NAALADL2: variants seen among roughly 807,000 people sequenced by gnomAD.
NAALADL2 encodes inactive N-acetylated-alpha-linked acidic dipeptidase-like protein 2.
A neutral mutation model predicts 87.2 loss-of-function variants in NAALADL2; 76 were observed. The ratio of observed to expected loss-of-function variants is 0.87; its 90% confidence interval spans 0.72 to 1.05. The LOEUF (loss-of-function observed/expected upper bound fraction) is 1.05, where lower values mean the gene tolerates loss of function less well. Among genes scored for constraint, NAALADL2 ranks in the 50% least tolerant of loss-of-function variants. The pLI is 0.00. For missense variants in NAALADL2, 1,089 were observed against 945.8 expected, an observed-to-expected ratio of 1.15 and a Z score of -1.99; for synonymous variants, 354 against 331.0, an observed-to-expected ratio of 1.07 and a Z score of -0.75.
At chr3:174,800,209 A>C (rs575243512) in intron 3 of NAALADL2, among the ~76,000 whole-genome samples, 9 of 152,288 alleles carry the variant, frequency 5.9e-5, no homozygotes, top group Admixed American at 5.2e-4. Context: ...GTTAATCACC[A>C]AGACGATGGA....
intron 2 of NAALADL2, among the ~76,000 whole-genome samples, chr3:175,229,510 C>T (rs1273003371): frequency 6.6e-6 from 1 of 151,930 alleles, no homozygotes; most frequent in African/African-American, 2.4e-5. Context: ...TAGTAAACAA[C>T]AGACATTTAT....
rs575759818 is a variant in NAALADL2 at position 174,687,862 on chromosome 3, T to C, written c.-114-49779T>C. The stretch of plus-strand genomic sequence containing the variant: ...AGTCTCATGATATCTGATGGTTTTA[T>C]AATGGGAAGTTCCCCTGCACAAGCT... On this transcript the variant is annotated intron_variant, in intron 2 of 3. Coordinates refer to the NAALADL2 transcript ENST00000434257. 2.6e-5 allele frequency among the ~76,000 whole-genome samples: 4 copies of C among 152,164 alleles called. No homozygotes were observed. The East Asian group carries it at 7.7e-4, about 29-fold the overall frequency.
intron 1 of NAALADL2, among the ~76,000 whole-genome samples, chr3:174,530,596 G>C (rs1721151775): frequency 1.3e-5 from 2 of 152,192 alleles, no homozygotes; most frequent in African/African-American, 4.8e-5. Flanking sequence ...GTTCCACCTG[G>C]CTGGGGAGGC....
chr3:174,756,361 C>T (rs1017358926), intron 3 of NAALADL2, among the ~76,000 whole-genome samples: 40 of 152,282 alleles, frequency 2.6e-4, no homozygotes, highest in Admixed American at 2.2e-3. Context: ...TGCTGAGTGT[C>T]TGGACTTCTC....
chr3:174,898,050 T>C (rs867497173), intron 1 of NAALADL2, among the ~76,000 whole-genome samples: 16 of 119,220 alleles, frequency 1.3e-4, no homozygotes, highest in Middle Eastern at 4.5e-3. Flanking sequence ...GAGGCGGAGC[T>C]TGCAGTGAGC....
chr3:175,110,420 C>A (rs1723996832), intron 2 of NAALADL2, among the ~76,000 whole-genome samples: 1 of 151,772 alleles, frequency 6.6e-6, no homozygotes, highest in African/African-American at 2.4e-5. Context: ...TTCCTAACAT[C>A]AATTTATACT....
At chr3:175,718,695 G>A (rs943148619) in intron 11 of NAALADL2, 3 of 1,509,506 alleles carry the variant, frequency 2.0e-6, no homozygotes, top group Middle Eastern at 1.7e-4. Context: ...TTTTTATAGA[G>A]ATGGAAGATC....
intron 2 of NAALADL2, among the ~76,000 whole-genome samples, chr3:174,707,848 A>G (rs1409576495): frequency 6.6e-6 from 1 of 152,210 alleles, no homozygotes; most frequent in Non-Finnish European, 1.5e-5. Context: ...GCACAAAAAA[A>G]AAAGCTCACT....
chr3:174,895,074 AAG>A (rs1731338311), intron 1 of NAALADL2, among the ~76,000 whole-genome samples: 1 of 152,138 alleles, frequency 6.6e-6, no homozygotes, highest in Non-Finnish European at 1.5e-5. Context: ...TACATCAAAA[AAG>A]AGGAAAAACT....
intron 2 of NAALADL2, among the ~76,000 whole-genome samples, chr3:175,116,754 C>A (rs9873506): frequency 0.6 from 91,522 of 151,446 alleles, 28,133 homozygotes; most frequent in African/African-American, 0.73. Context: ...AACAAAAAAA[C>A]CAAAAACTTT....
At chr3:175,729,806 A>T in intron 11 of NAALADL2, among the ~76,000 whole-genome samples, 2 of 134,014 alleles carry the variant, frequency 1.5e-5, no homozygotes, top group African/African-American at 2.9e-5. Flanking sequence ...GTGACATCCC[A>T]GTTTTTTTTT....
intron 1 of NAALADL2, among the ~76,000 whole-genome samples, chr3:175,072,203 A>C (rs188835393): frequency 5.3e-4 from 81 of 152,168 alleles, no homozygotes; most frequent in African/African-American, 1.2e-3. Flanking sequence ...GTGATTAGGA[A>C]CTGGGGAGTC....
intron 1 of NAALADL2, among the ~76,000 whole-genome samples, chr3:174,964,031 T>G (rs1579754729): frequency 1.1e-5 from 1 of 93,552 alleles, no homozygotes; most frequent in Admixed American, 8.8e-5. Flanking sequence ...ATTAAATCTT[T>G]TGGGAAAAAA....
chr3:174,893,338 G>A (rs1579398619), intron 1 of NAALADL2, among the ~76,000 whole-genome samples: 1 of 149,668 alleles, frequency 6.7e-6, no homozygotes, highest in East Asian at 2.0e-4. Context: ...TTATTATTGA[G>A]CAATAAATAA....
At chr3:174,449,248 C>A (rs1018449523) in intron 1 of NAALADL2, among the ~76,000 whole-genome samples, 1 of 152,180 alleles carries the variant, frequency 6.6e-6, no homozygotes, top group East Asian at 1.9e-4. Flanking sequence ...AATGGTGGAG[C>A]AAATAGAGGG....
chr3:175,167,281 A>C (rs999707663), intron 2 of NAALADL2, among the ~76,000 whole-genome samples: 1 of 152,102 alleles, frequency 6.6e-6, no homozygotes, highest in African/African-American at 2.4e-5. Flanking sequence ...AAAGAGGTTA[A>C]ACTCCTGCCA....
chr3:175,424,439 G>A (rs899044175), intron 5 of NAALADL2, among the ~76,000 whole-genome samples: 39 of 152,216 alleles, frequency 2.6e-4, no homozygotes, highest in African/African-American at 8.4e-4. Flanking sequence ...TTTTGTATAA[G>A]GTGTAAGGAA....
intron 2 of NAALADL2, among the ~76,000 whole-genome samples, chr3:174,718,004 C>T (rs888698666): frequency 1.3e-5 from 2 of 152,046 alleles, no homozygotes; most frequent in African/African-American, 4.8e-5. Flanking sequence ...TGGGAGGCGC[C>T]TGTAATCCCA....
intron 3 of NAALADL2, among the ~76,000 whole-genome samples, chr3:175,238,779 G>A (rs1049527193): frequency 5.3e-5 from 8 of 152,058 alleles, no homozygotes; most frequent in Non-Finnish European, 1.0e-4. Flanking sequence ...TTCAAATCAA[G>A]CTTGAGTGGT....
Sources: allele counts gnomAD v4.1 joint callset (sites outside exome capture counted in the v4.1 genomes callset), GRCh38; gene constraint gnomAD v4.1.1; transcripts MANE v1.5; gene names NCBI Gene and HGNC (gene_info 2026-07-23, HGNC 2026-07-21).